SLC4A4: variants seen among roughly 807,000 people sequenced by gnomAD.
SLC4A4 encodes electrogenic sodium bicarbonate cotransporter 1.
A neutral mutation model predicts 111.5 loss-of-function variants in SLC4A4; 27 were observed. The ratio of observed to expected loss-of-function variants is 0.24; its 90% confidence interval spans 0.18 to 0.33. SLC4A4 has a LOEUF of 0.33. Ranked by LOEUF, SLC4A4 falls within the 10% of genes least tolerant of loss-of-function variation. The pLI, the probability that SLC4A4 is intolerant of heterozygous loss-of-function variation, is 1.00. For synonymous variants in SLC4A4, 443 were observed against 463.4 expected (o/e 0.96, Z 0.57); for missense variants, 909 against 1,315.5 (o/e 0.69, Z 4.78).
chr4:71,277,654 T>C (rs1029509137), intron 3 of SLC4A4, among the ~76,000 whole-genome samples: 2 of 151,064 alleles, frequency 1.3e-5, no homozygotes, highest in Admixed American at 6.6e-5. Context: ...TTCTCTCTCC[T>C]TCTTTCTCTG....
chr4:71,177,440 G>T (rs1328988481), intron 2 of SLC4A4, among the ~76,000 whole-genome samples: 2 of 151,706 alleles, frequency 1.3e-5, no homozygotes, highest in Non-Finnish European at 2.9e-5. Context: ...ACCCATCTCA[G>T]GTGCAGAGAC....
rs554952645 is a variant in SLC4A4 at position 71,217,560 on chromosome 4, C to T, written c.-1-19016C>T. 2.6e-5 allele frequency among the ~76,000 whole-genome samples: 4 copies of T among 152,194 alleles called. No individual in the cohort carries two copies. In the East Asian group the frequency reaches 7.7e-4, roughly 29 times the overall value. ...CCTGGGTGACAGAGTGAGACTCCAT[C>T]TCAAAAAACAAAAACAAAAACAAAC... On this transcript the variant is annotated intron_variant, in intron 1 of 25. Coordinates refer to ENST00000264485, the MANE Select transcript of SLC4A4 (RefSeq NM_001098484.3).
At chr4:71,243,429 T>C (rs995237714) in intron 2 of SLC4A4, among the ~76,000 whole-genome samples, 2 of 152,202 alleles carry the variant, frequency 1.3e-5, no homozygotes, top group African/African-American at 4.8e-5. Context: ...GAACTGAGAA[T>C]TGGGCCTGAT....
At chr4:71,353,520 A>G (rs1278618513) in intron 5 of SLC4A4, among the ~76,000 whole-genome samples, 1 of 152,246 alleles carries the variant, frequency 6.6e-6, no homozygotes, top group Non-Finnish European at 1.5e-5. Flanking sequence ...AGAGGATAAA[A>G]CATGAACGAA....
chr4:71,314,484 A>G (rs188907734), intron 3 of SLC4A4, among the ~76,000 whole-genome samples: 23 of 152,340 alleles, frequency 1.5e-4, no homozygotes, highest in Admixed American at 1.4e-3. Context: ...TTATTGCAGT[A>G]CTGTTTACAA....
At chr4:71,323,874 A>G (rs1727304611) in intron 3 of SLC4A4, among the ~76,000 whole-genome samples, 1 of 145,434 alleles carries the variant, frequency 6.9e-6, no homozygotes, top group Admixed American at 6.7e-5. Context: ...GGCATCCCCA[A>G]ACTACTGTGT....
chr4:71,135,880 T>C (rs1203413529), intron 2 of SLC4A4, among the ~76,000 whole-genome samples: 1 of 152,230 alleles, frequency 6.6e-6, no homozygotes, highest in Non-Finnish European at 1.5e-5. Flanking sequence ...AGAATACTTG[T>C]ACTCTTTGAG....
chr4:71,343,973 C>A (rs1037630961), intron 4 of SLC4A4, among the ~76,000 whole-genome samples: 1 of 152,122 alleles, frequency 6.6e-6, no homozygotes, highest in Non-Finnish European at 1.5e-5. Flanking sequence ...GGTCTTTATT[C>A]AAATATTACC....
chr4:71,085,616 C>G (rs1223613584), intron 1 of SLC4A4, among the ~76,000 whole-genome samples: 1 of 152,036 alleles, frequency 6.6e-6, no homozygotes, highest in African/African-American at 2.4e-5. Context: ...TTTCAGCTTT[C>G]TACATATGGC....
chr4:71,370,814 G>T (rs181832274), intron 6 of SLC4A4, among the ~76,000 whole-genome samples: 1 of 152,304 alleles, frequency 6.6e-6, no homozygotes, highest in East Asian at 1.9e-4. Flanking sequence ...TCGATAAAGT[G>T]TCAAGGAAAT....
At chr4:71,455,851 C>T (rs560036530) in intron 12 of SLC4A4, among the ~76,000 whole-genome samples, 2 of 152,222 alleles carry the variant, frequency 1.3e-5, no homozygotes, top group South Asian at 4.2e-4. Context: ...GTTTTGATCC[C>T]TCCTAGATGG....
chr4:71,156,118 G>T (rs2148974761), intron 2 of SLC4A4, among the ~76,000 whole-genome samples: 1 of 152,306 alleles, frequency 6.6e-6, no homozygotes, highest in Non-Finnish European at 1.5e-5. Flanking sequence ...TTGTGGGAAT[G>T]ATGATGCAGG....
chr4:71,110,653 C>T (rs1743060365), intron 2 of SLC4A4, among the ~76,000 whole-genome samples: 1 of 152,098 alleles, frequency 6.6e-6, no homozygotes, highest in African/African-American at 2.4e-5. Flanking sequence ...GAAATATGAG[C>T]TGGGGAGTTT....
intron 1 of SLC4A4, among the ~76,000 whole-genome samples, chr4:71,231,035 G>A: frequency 6.6e-6 from 1 of 152,218 alleles, no homozygotes; most frequent in Non-Finnish European, 1.5e-5. Context: ...AACCCTGAAA[G>A]CAGATGCTGT....
At chr4:71,517,754 T>C (rs1289464544) in intron 16 of SLC4A4, among the ~76,000 whole-genome samples, 2 of 152,204 alleles carry the variant, frequency 1.3e-5, no homozygotes, top group Non-Finnish European at 2.9e-5. Flanking sequence ...CAGAATGTCT[T>C]TGTCTGGAAA....
chr4:71,170,551 G>C (rs1386114097), intron 2 of SLC4A4, among the ~76,000 whole-genome samples: 1 of 152,094 alleles, frequency 6.6e-6, no homozygotes, highest in African/African-American at 2.4e-5. Context: ...TACTATAATT[G>C]AACTTGTAAA....
At chr4:71,342,996 G>C (rs1729015806) in intron 4 of SLC4A4, among the ~76,000 whole-genome samples, 1 of 152,106 alleles carries the variant, frequency 6.6e-6, no homozygotes, top group East Asian at 1.9e-4. Context: ...CGTAATTGCT[G>C]TCGATTAATT....
chr4:71,328,909 G>T (rs1457746883), intron 3 of SLC4A4, among the ~76,000 whole-genome samples: 1 of 151,754 alleles, frequency 6.6e-6, no homozygotes, highest in Non-Finnish European at 1.5e-5. Context: ...CAATATCCTG[G>T]AGTTTCCCCA....
intron 3 of SLC4A4, among the ~76,000 whole-genome samples, chr4:71,308,397 C>A (rs1578801737): frequency 6.6e-6 from 1 of 152,118 alleles, no homozygotes; most frequent in African/African-American, 2.4e-5. Flanking sequence ...CAGTTACTGG[C>A]ACATAATAGT....
Sources: gnomAD v4.1 joint callset for allele counts (sites outside exome capture counted in the v4.1 genomes callset) on GRCh38, gnomAD v4.1.1 for gene constraint, MANE v1.5 for transcripts, NCBI Gene and HGNC (gene_info 2026-07-23, HGNC 2026-07-21) for gene names.